Variants in SPTA1 observed in about 807,000 individuals in gnomAD.
The protein encoded by SPTA1 is spectrin alpha chain, erythrocytic 1.
A neutral mutation model predicts 324.7 loss-of-function variants in SPTA1; 177 were observed. The observed-to-expected ratio is 0.55, with a 90% CI of 0.48 to 0.62. SPTA1 has a LOEUF of 0.62. SPTA1 is among the 20% of genes least tolerant of loss of function. The probability of loss-of-function intolerance (pLI) is 0.00; values close to 1 mark genes in which losing one functional copy is unlikely to be tolerated. For missense variants in SPTA1, 3,162 were observed against 2,883.6 expected, an observed-to-expected ratio of 1.10 and a Z score of -2.21; for synonymous variants, 1,195 against 1,041.3, an observed-to-expected ratio of 1.15 and a Z score of -2.84.
chr1:158,659,135 CA>C (rs1401494719), intron 18 of SPTA1, among the ~76,000 whole-genome samples: 1 of 151,660 alleles, frequency 6.6e-6, no homozygotes, highest in Non-Finnish European at 1.5e-5. Flanking sequence ...AGTTGACTAC[CA>C]AAGCAAAGAT....
In SPTA1 at chr1:158,685,313, G is replaced by C. The variant is rs1655094628; in HGVS notation, c.59C>G (p.Thr20Arg). 1 of 1,613,706 alleles carries C rather than the reference G, an allele frequency of 6.2e-7. No individual in the cohort carries two copies. The highest frequency in any genetic ancestry group is 8.5e-7 in the Non-Finnish European group (1 of 1,179,812). Residue 20 changes from threonine (T) to arginine (R), a missense_variant, in exon 2 of 52, where the codon ACA becomes AGA. Thr to Arg is a moderately conservative substitution (Grantham distance 71). Coordinates refer to ENST00000643759, the MANE Select transcript of SPTA1 (RefSeq NM_003126.4). ...ACGCCTCTCCTGGATCTCTTCTGCT[G>C]TTTCCAAAACCTTTGGCCCACTGCT... ...VESSGPKVLE[T>R]AEEIQERRQE...
At chr1:158,673,163 A>G (rs1178376249) in intron 10 of SPTA1, among the ~76,000 whole-genome samples, 1 of 152,078 alleles carries the variant, frequency 6.6e-6, no homozygotes, top group African/African-American at 2.4e-5. Context: ...TCCCAGGATA[A>G]CTGTTAAGTT....
rs857716 is a variant in SPTA1 at position 158,617,600 on chromosome 1, C to A, written c.6549-12G>T. On this transcript the variant is annotated splice_polypyrimidine_tract_variant and intron_variant, in intron 46 of 51. Coordinates refer to ENST00000643759, the MANE Select transcript of SPTA1 (RefSeq NM_003126.4). ...CTTTGAGCAATGATCTAGTTAAGAA[C>A]CGAAGGAAATCATTATGCATCACAT... 2.4e-5 allele frequency: 39 copies of A among 1,608,202 alleles called. 1 individual carries two copies. The East Asian group carries it at 8.0e-4, about 33-fold the overall frequency.
At chr1:158,686,429 T>A in intron 1 of SPTA1, 65 bp downstream of exon 1, 1 of 1,153,436 alleles carries the variant, frequency 8.7e-7, no homozygotes, top group Non-Finnish European at 1.3e-6. Flanking sequence ...TATAGAAAGT[T>A]TAAAGGAAAC....
intron 34 of SPTA1, 27 bp downstream of exon 34, chr1:158,639,843 G>A: frequency 6.2e-7 from 1 of 1,613,912 alleles, no homozygotes; most frequent in Non-Finnish European, 8.5e-7. Flanking sequence ...AAACTCTTGT[G>A]TCTCTACTGT....
At position 158,661,427 on chromosome 1, in the gene SPTA1, T is replaced by C. The variant is rs775202527; in HGVS notation, c.2465-18A>G. The C allele has an allele frequency of 8.1e-6, 13 of 1,613,682 alleles. No individual in the cohort carries two copies. The highest frequency in any genetic ancestry group is 1.0e-5 in the Non-Finnish European group (12 of 1,179,810). ...GTCCTTTCCTGCAGAGGAAAGGAAT[T>C]TCAAAGTTTCGGATTATCCTGGTGT... On this transcript the variant is annotated intron_variant, in intron 17 of 51. Transcript: ENST00000643759.
chr1:158,661,677 G>A (rs545122336), intron 17 of SPTA1, among the ~76,000 whole-genome samples: 2 of 152,224 alleles, frequency 1.3e-5, no homozygotes, highest in East Asian at 1.9e-4. Flanking sequence ...AGGTATGAAG[G>A]CAAGTAACTT....
Position 158,611,336 on chromosome 1 carries a change from C to G in SPTA1, c.7188G>C (p.Met2396Ile), listed in dbSNP as rs376052117. 25 of 1,613,632 alleles carry G rather than the reference C, an allele frequency of 1.5e-5. No homozygotes were observed. Among genetic ancestry groups the G allele is most frequent in the African/African-American group, 2.7e-5 (2 of 74,884 alleles). Residue 2396 changes from methionine to isoleucine, a missense_variant, in exon 52 of 52, where the codon ATG (methionine) becomes ATC (isoleucine). Coordinates refer to ENST00000643759, the MANE Select transcript of SPTA1 (RefSeq NM_003126.4). ...SFCATHMQQYMDPRGRSHLSG... is the reference protein window; with the variant it reads ...SFCATHMQQYIDPRGRSHLSG... ...AGAGATGGCTTCGACCCCGTGGGTCCATATATTGCTGCATATGTGTGGCAC... is the reference window on the plus strand; with the variant it reads ...AGAGATGGCTTCGACCCCGTGGGTCGATATATTGCTGCATATGTGTGGCAC...
At position 158,685,297 on chromosome 1, in the gene SPTA1, C is replaced by G; in HGVS notation, c.75G>C (p.Gln25His). 6.2e-7 allele frequency: 1 copy of G among 1,613,910 alleles called. No homozygotes were observed. The highest frequency in any genetic ancestry group is 8.5e-7 in the Non-Finnish European group (1 of 1,179,868). ...GAGTCAACACTTCCTGACGCCTCTC[C>G]TGGATCTCTTCTGCTGTTTCCAAAA... ...PKVLETAEEI[Q>H]ERRQEVLTRY... Residue 25 changes from glutamine to histidine, a missense_variant, in exon 2 of 52, where the codon CAG becomes CAC. By Grantham distance (24) the Gln-to-His change is conservative. Coordinates refer to ENST00000643759, the MANE Select transcript of SPTA1 (RefSeq NM_003126.4).
rs765994133 is a variant in SPTA1 at position 158,676,290 on chromosome 1, C to T, written c.963G>A (p.Lys321=). 10 of 1,613,396 alleles carry T rather than the reference C, an allele frequency of 6.2e-6. No individual in the cohort carries two copies. Among genetic ancestry groups the T allele is most frequent in the African/African-American group, 1.3e-5 (1 of 74,868 alleles). The change falls in exon 8 of 52, where the codon AAG becomes AAA. Residue 321 remains lysine, a synonymous_variant. Coordinates refer to ENST00000643759, the MANE Select transcript of SPTA1 (RefSeq NM_003126.4). ...RNLAVMSDKV[K]ELCAKAEKLT... is the part of the protein sequence containing the mutation. Reference sequence around the variant, plus strand: ...GCTTCTCTGCTTTAGCACATAACTCCTTCACCTTTGGGATGAAAAAGAAAC... The same window carrying T: ...GCTTCTCTGCTTTAGCACATAACTCTTTCACCTTTGGGATGAAAAAGAAAC...
chr1:158,661,500 T>C, intron 17 of SPTA1, 91 bp from the exon 18 acceptor site: 1 of 1,564,448 alleles, frequency 6.4e-7, no homozygotes, highest in Non-Finnish European at 8.8e-7. Flanking sequence ...ACCCACAGGT[T>C]CTTTCCTTTG....
intron 25 of SPTA1, 44 bp from the exon 26 acceptor site, chr1:158,648,697 C>T: frequency 6.2e-7 from 1 of 1,608,808 alleles, no homozygotes; most frequent in Non-Finnish European, 8.5e-7. Flanking sequence ...AGGATATGTA[C>T]CAGAGGCAGG....
Position 158,672,054 on chromosome 1 carries a change from G to A in SPTA1, c.1488+5C>T, listed in dbSNP as rs74692803. 342 of 1,613,726 alleles carry A rather than the reference G, an allele frequency of 2.1e-4. 6 individuals carry two copies. The South Asian group carries it at 3.4e-3, about 16-fold the overall frequency. On this transcript the variant is annotated splice_donor_5th_base_variant and intron_variant, in intron 11 of 51. Transcript: ENST00000643759. ...TCTAGAGATGGTATGGACCCCTCCC[G>A]TTACCTCTTGTCTACTCATCCAACT... is the stretch of plus-strand genomic sequence containing the variant.
chr1:158,626,720 T>C, intron 41 of SPTA1, 119 bp downstream of exon 41: 1 of 1,247,398 alleles, frequency 8.0e-7, no homozygotes, highest in Non-Finnish European at 1.2e-6. Flanking sequence ...AGGATAGGAA[T>C]GGGTAGTGAT....
At chr1:158,679,808 G>A (rs923282379) in intron 5 of SPTA1, among the ~76,000 whole-genome samples, 4 of 152,156 alleles carry the variant, frequency 2.6e-5, no homozygotes, top group African/African-American at 9.7e-5. Flanking sequence ...CACAGCAAGA[G>A]AAAAGTGATG....
chr1:158,686,577 A>G lies in SPTA1; in HGVS notation c.-60T>C, dbSNP rs200804863. The G allele has an allele frequency of 9.1e-6, 9 of 992,102 alleles. No homozygotes were observed. Among genetic ancestry groups the G allele is most frequent in the African/African-American group, 5.9e-5 (3 of 50,552 alleles). 61.5% of individuals were successfully genotyped at this position (992,102 alleles called of 1,614,324 possible). A position where few individuals can be genotyped will look rare whatever the true frequency, so the allele number is the denominator to read the frequency against. On this transcript the variant is annotated 5_prime_UTR_variant, in exon 1 of 52. Coordinates refer to ENST00000643759, the MANE Select transcript of SPTA1 (RefSeq NM_003126.4). ...TGTGTCAGAGAGAGAGAGAGAGAGA[A>G]ATAATTCAAATGGAACTGTCCAGTC...
rs1470079998 is a variant in SPTA1 at position 158,681,571 on chromosome 1, A to G, written c.487T>C (p.Tyr163His). The change falls in exon 4 of 52, where the codon TAT becomes CAT. Residue 163 changes from tyrosine (Y) to histidine (H), a missense_variant. Transcript: ENST00000643759. Reference protein sequence around the residue: ...QLLRALKFQQYVQECADILEW... With the variant: ...QLLRALKFQQHVQECADILEW... ...AAGATGTCAGCACACTCCTGTACAT[A>G]CTGCTGGAACTTCAGGGCCCGCAGC... is the stretch of plus-strand genomic sequence containing the variant. 3 of 1,613,648 alleles carry G rather than the reference A, an allele frequency of 1.9e-6. No homozygotes were observed. The highest frequency in any genetic ancestry group is 3.3e-5 in the Admixed American group (2 of 59,964).
rs16840537 is a variant in SPTA1 at position 158,678,315 on chromosome 1, A to C, written c.812+86T>G. The stretch of plus-strand genomic sequence containing the variant: ...TTTGAAGTGTTGACCATTAATTGCT[A>C]ACAGAAGTAGAAAGAGCCTAATACA... On this transcript the variant is annotated intron_variant, in intron 6 of 51. Transcript: ENST00000643759. The C allele has an allele frequency of 0.013, 20,899 of 1,573,296 alleles. 2,284 individuals carry two copies. The African/African-American group carries it at 0.24, about 18-fold the overall frequency.
intron 7 of SPTA1, among the ~76,000 whole-genome samples, chr1:158,677,051 G>A (rs924455397): frequency 6.6e-6 from 1 of 152,148 alleles, no homozygotes; most frequent in Non-Finnish European, 1.5e-5. Flanking sequence ...TACAGCAAAT[G>A]TGGATCTTTC....
Sources: gnomAD v4.1 joint callset for allele counts (sites outside exome capture counted in the v4.1 genomes callset) on GRCh38, gnomAD v4.1.1 for gene constraint, MANE v1.5 for transcripts, NCBI Gene and HGNC (gene_info 2026-07-23, HGNC 2026-07-21) for gene names.